KRT72: variants seen among roughly 807,000 people sequenced by gnomAD.
The protein encoded by KRT72 is keratin, type II cytoskeletal 72.
KRT72 carries 44 observed loss-of-function variants against 44.7 expected under a neutral mutation model. That is an observed-to-expected ratio of 0.98 (90% CI 0.77 to 1.27). The LOEUF (loss-of-function observed/expected upper bound fraction) is 1.27, where lower values mean the gene tolerates loss of function less well. KRT72 is among the 50% of genes most tolerant of loss of function. KRT72 has a pLI of 0.00. For synonymous variants in KRT72, 302 were observed against 280.4 expected (o/e 1.08, Z -0.77); for missense variants, 736 against 667.1 (o/e 1.10, Z -1.14).
intron 6 of KRT72, among the ~76,000 whole-genome samples, 176 bp from the exon 7 acceptor site, chr12:52,588,027 T>G (rs537177494): frequency 6.6e-6 from 1 of 152,340 alleles, no homozygotes; most frequent in African/African-American, 2.4e-5. Flanking sequence ...CCAGGCATGG[T>G]TCACCCTGGC....
rs202119816 is a variant in KRT72 at position 52,592,516 on chromosome 12, G to T, written c.703-25C>A. The T allele has an allele frequency of 3.2e-6, 5 of 1,572,576 alleles. No individual in the cohort carries two copies. In the South Asian group the frequency reaches 5.6e-5, roughly 17 times the overall value. On this transcript the variant is annotated intron_variant, in intron 3 of 8. Coordinates refer to ENST00000293745, the MANE Select transcript of KRT72 (RefSeq NM_080747.3). ...CCTGGGAGCACATGATAGTCAAGCC[G>T]CCCTGAGAGGGCCTCCCCTGCCCAT... is the stretch of plus-strand genomic sequence containing the variant.
chr12:52,592,010 A>G (rs1940053841), intron 4 of KRT72, among the ~76,000 whole-genome samples: 1 of 152,072 alleles, frequency 6.6e-6, no homozygotes, highest in Non-Finnish European at 1.5e-5. Flanking sequence ...ATGCTTTAGC[A>G]CAGGACAGGC....
chr12:52,587,602 T>G, intron 7 of KRT72, 29 bp downstream of exon 7: 1 of 1,611,504 alleles, frequency 6.2e-7, no homozygotes, highest in Non-Finnish European at 8.5e-7. Context: ...AGAAAACTGG[T>G]CCCGACACAA....
At chr12:52,593,324 A>G (rs1323776043) in intron 2 of KRT72, among the ~76,000 whole-genome samples, 1 of 152,222 alleles carries the variant, frequency 6.6e-6, no homozygotes, top group Non-Finnish European at 1.5e-5. Flanking sequence ...CTCAGGGTGC[A>G]AAAACCTCCT....
chr12:52,601,468 G>A (rs1940460360), upstream of KRT72: 2 of 1,532,978 alleles, frequency 1.3e-6, no homozygotes. Flanking sequence ...GCAAGTACCG[G>A]TGCTGGCCGC....
upstream of KRT72, among the ~76,000 whole-genome samples, chr12:52,601,943 C>T (rs1458221448): frequency 6.6e-6 from 1 of 152,214 alleles, no homozygotes; most frequent in Non-Finnish European, 1.5e-5. Context: ...TTAGCCTGTC[C>T]TCCTCCTGCC....
chr12:52,595,050 T>C (rs1409253757), intron 2 of KRT72, among the ~76,000 whole-genome samples: 1 of 152,204 alleles, frequency 6.6e-6, no homozygotes, highest in East Asian at 1.9e-4. Flanking sequence ...ATAAGACATA[T>C]GGTAGTTGCC....
In KRT72 at chr12:52,601,062, C is replaced by G; in HGVS notation, c.391G>C (p.Ala131Pro). 1 of 1,612,654 alleles carries G rather than the reference C, an allele frequency of 6.2e-7. No individual in the cohort carries two copies. Among genetic ancestry groups the G allele is most frequent in the Non-Finnish European group, 8.5e-7 (1 of 1,179,568 alleles). The stretch of plus-strand genomic sequence containing the variant: ...AAGGAGGCGAACTTGTTGTTTAGCG[C>G]CTTGATCTGCTCCCGCTCCTGGGCG... ...VRAQEREQIK[A>P]LNNKFASFID... Residue 131 changes from alanine (A) to proline (P), a missense_variant, in exon 1 of 9, where the codon GCG becomes CCG. Coordinates refer to ENST00000293745, the MANE Select transcript of KRT72 (RefSeq NM_080747.3).
At position 52,598,981 on chromosome 12, in the gene KRT72, C is replaced by T. The variant is rs1371650813; in HGVS notation, c.558G>A (p.Gln186=). 1.9e-6 allele frequency: 3 copies of T among 1,614,112 alleles called. No individual in the cohort carries two copies. Among genetic ancestry groups the T allele is most frequent in the Non-Finnish European group, 1.7e-6 (2 of 1,180,046 alleles). ...YEGYISNLQK[Q]LEMLSGDGVR... Reference sequence around the variant, plus strand: ...CCCCGTCCCCAGACAGCATCTCCAGCTGCTTCTGCAGGTTGCTGATGTAGC... The same window carrying T: ...CCCCGTCCCCAGACAGCATCTCCAGTTGCTTCTGCAGGTTGCTGATGTAGC... Residue 186 remains glutamine, a synonymous_variant, in exon 2 of 9, where the codon CAG becomes CAA. Transcript: ENST00000293745.
intron 8 of KRT72, among the ~76,000 whole-genome samples, chr12:52,586,735 G>C (rs1939765209): frequency 6.6e-6 from 1 of 152,096 alleles, no homozygotes; most frequent in Non-Finnish European, 1.5e-5. Flanking sequence ...AGTATCATTT[G>C]ATCTTTCTAT....
chr12:52,601,300 G>A lies in KRT72; in HGVS notation c.153C>T (p.Cys51=), dbSNP rs1299100383. The change falls in exon 1 of 9, where the codon TGC becomes TGT. Residue 51 remains cysteine (C), a synonymous_variant. Coordinates refer to ENST00000293745, the MANE Select transcript of KRT72 (RefSeq NM_080747.3). ...SASFGSKSLS[C]LGGSRSLALS... ...GCGCCAGGCTTCGGCTGCCCCCAAG[G>A]CAGGAGAGGCTCTTGCTGCCAAAGG... The A allele has an allele frequency of 5.8e-6, 9 of 1,548,652 alleles. No individual in the cohort carries two copies. The highest frequency in any genetic ancestry group is 1.4e-5 in the African/African-American group (1 of 73,162).
rs1215291110 is a variant in KRT72, at chr12:52,591,461, C to T, written c.963+3G>A. On this transcript the variant is annotated splice_donor_region_variant and intron_variant, in intron 5 of 8. Transcript: ENST00000293745. ...GGACTCAGCACACCTGGCACCAGCTCACCTTGGTCTGGTACAGGGTCTCAG... is the reference window on the plus strand; with the variant it reads ...GGACTCAGCACACCTGGCACCAGCTTACCTTGGTCTGGTACAGGGTCTCAG... 1.9e-6 allele frequency: 3 copies of T among 1,612,584 alleles called. No individual in the cohort carries two copies. The highest frequency in any genetic ancestry group is 2.5e-6 in the Non-Finnish European group (3 of 1,178,832).
At chr12:52,589,215 A>G (rs1327077446) in intron 6 of KRT72, among the ~76,000 whole-genome samples, 2 of 152,100 alleles carry the variant, frequency 1.3e-5, no homozygotes, top group African/African-American at 4.8e-5. Context: ...CTTCACACCA[A>G]GGAAAGCAGC....
chr12:52,596,372 A>G (rs1180857451), intron 2 of KRT72, among the ~76,000 whole-genome samples: 1 of 152,206 alleles, frequency 6.6e-6, no homozygotes, highest in Non-Finnish European at 1.5e-5. Flanking sequence ...TAAGCCACTT[A>G]GAAAAAAATC....
upstream of KRT72, among the ~76,000 whole-genome samples, chr12:52,602,880 G>A (rs181304220): frequency 1.1e-4 from 17 of 152,302 alleles, no homozygotes; most frequent in Non-Finnish European, 1.5e-4. Context: ...CAGCCGAAGC[G>A]TTTACTCCAC....
intron 2 of KRT72, among the ~76,000 whole-genome samples, chr12:52,593,495 GGGA>G (rs1456789059): frequency 6.6e-6 from 1 of 152,150 alleles, no homozygotes; most frequent in Non-Finnish European, 1.5e-5. Flanking sequence ...TTGTTGATTG[GGGA>G]GGTAAGAGTA....
At chr12:52,588,538 A>AGAAAAATAGCT (rs1939871897) in intron 6 of KRT72, among the ~76,000 whole-genome samples, 2 of 152,034 alleles carry the variant, frequency 1.3e-5, no homozygotes, top group African/African-American at 4.8e-5. Flanking sequence ...AAAATAGCTA[A>AGAAAAATAGCT]AAAAAATAGC....
At chr12:52,586,902 TG>T in intron 8 of KRT72, 43 bp downstream of exon 8, 1 of 1,588,080 alleles carries the variant, frequency 6.3e-7, no homozygotes, top group Non-Finnish European at 8.6e-7. Context: ...CTCGGACTTC[TG>T]GTAAGGTGAC....
chr12:52,589,471 TC>T (rs1221529896), intron 6 of KRT72, among the ~76,000 whole-genome samples: 3 of 152,182 alleles, frequency 2.0e-5, no homozygotes, highest in Non-Finnish European at 4.4e-5. Flanking sequence ...TGTCTTCTGT[TC>T]TTTTTTACTG....
Sources: gnomAD v4.1 joint callset for allele counts (sites outside exome capture counted in the v4.1 genomes callset) on GRCh38, gnomAD v4.1.1 for gene constraint, MANE v1.5 for transcripts, NCBI Gene and HGNC (gene_info 2026-07-23, HGNC 2026-07-21) for gene names.